The following DTX2 variants were observed in gnomAD, a reference collection of about 807,000 sequenced individuals.
The protein encoded by DTX2 is probable E3 ubiquitin-protein ligase DTX2.
In DTX2, 29 loss-of-function variants were observed where a neutral mutation model predicts 55.3. The ratio of observed to expected loss-of-function variants is 0.52; its 90% CI spans 0.39 to 0.71. DTX2 has a LOEUF of 0.71. Ranked by LOEUF, DTX2 falls within the 30% of genes least tolerant of loss-of-function variation. DTX2 has a pLI of 0.00. For synonymous variants in DTX2, 276 were observed against 340.4 expected (o/e 0.81, Z 2.08); for missense variants, 537 against 822.5 (o/e 0.65, Z 4.25).
At chr7:76,500,026 T>C (rs1011947064) in intron 6 of DTX2, 63 of 387,240 alleles carry the variant, frequency 1.6e-4, no homozygotes, top group African/African-American at 1.2e-3. Context: ...GCCAGGGTAA[T>C]GCAAGTTGAA....
At chr7:76,495,403 G>A (rs1189411714) in intron 5 of DTX2, among the ~76,000 whole-genome samples, 3 of 151,870 alleles carry the variant, frequency 2.0e-5, no homozygotes, top group Admixed American at 6.6e-5. Flanking sequence ...CCTCCCAGAT[G>A]GGTGGAGAAA....
intron 5 of DTX2, among the ~76,000 whole-genome samples, chr7:76,495,612 G>A (rs1315983135): frequency 6.8e-6 from 1 of 147,578 alleles, no homozygotes; most frequent in Non-Finnish European, 1.5e-5. Context: ...GTGGCCCAAG[G>A]ATGTCTTCAT....
At chr7:76,498,532 T>A (rs1164453931) in intron 6 of DTX2, among the ~76,000 whole-genome samples, 1 of 96,378 alleles carries the variant, frequency 1.0e-5, no homozygotes, top group African/African-American at 5.6e-5. Flanking sequence ...GAAAGCTCCC[T>A]TCTGCTCTGA....
chr7:76,502,796 T>A, intron 8 of DTX2: 1 of 379,764 alleles, frequency 2.6e-6, no homozygotes. Context: ...ACTGTCTCCC[T>A]TCTTCCTTAC....
At chr7:76,502,570 G>A in intron 8 of DTX2, 114 bp downstream of exon 8, 1 of 1,237,500 alleles carries the variant, frequency 8.1e-7, no homozygotes. Flanking sequence ...CTCTGCAAAA[G>A]ATGGTGCTGG....
rs1322813267 is a variant in DTX2 at position 76,496,148 on chromosome 7, C to A, written c.1010-1189C>A. ...TCCTGCTGAGGGCCACTGCAACTCA[C>A]CCTGCCCACCTCGGCTCTGCTGCCC... is the stretch of plus-strand genomic sequence containing the variant. On this transcript the variant is annotated intron_variant, in intron 5 of 10. Transcript: ENST00000430490. Among the ~76,000 whole-genome samples the A allele has an allele frequency of 2.4e-5, 2 of 84,610 alleles. 1 individual carries two copies. Among genetic ancestry groups the A allele is most frequent in the Non-Finnish European group, 4.7e-5 (2 of 42,198 alleles). The allele number at this position is 84,610 out of a possible 152,430, so 55.5% of individuals were successfully genotyped here. A position where few individuals can be genotyped will look rare whatever the true frequency, so the allele number is the denominator to read the frequency against.
chr7:76,482,471 G>A (rs763364309), intron 3 of DTX2, 37 bp from the exon 4 acceptor site: 1 of 1,537,462 alleles, frequency 6.5e-7, no homozygotes, highest in Admixed American at 2.1e-5. Flanking sequence ...TCTTGGGGAT[G>A]CTAGCAGACT....
intron 5 of DTX2, among the ~76,000 whole-genome samples, chr7:76,495,575 A>T (rs1810844265): frequency 6.7e-6 from 1 of 149,732 alleles, no homozygotes; most frequent in African/African-American, 2.5e-5. Flanking sequence ...CACGTGTGTC[A>T]CTCATGCGGC....
Position 76,502,476 on chromosome 7 carries a change from G to A in DTX2, c.1389+20G>A. The A allele has an allele frequency of 1.2e-6, 2 of 1,607,546 alleles. No homozygotes were observed. The highest frequency in any genetic ancestry group is 1.7e-6 in the Non-Finnish European group (2 of 1,177,676). On this transcript the variant is annotated intron_variant, in intron 8 of 10. Coordinates refer to ENST00000430490, the MANE Select transcript of DTX2 (RefSeq NM_001102594.3). Reference sequence around the variant, plus strand: ...AATAAGGTGCCCCCACTGGCCCAGGGCGGAGGCGGGTGGCCCGCCCCCACA... The same window carrying A: ...AATAAGGTGCCCCCACTGGCCCAGGACGGAGGCGGGTGGCCCGCCCCCACA...
intron 7 of DTX2, among the ~76,000 whole-genome samples, chr7:76,501,565 G>A (rs1490459572): frequency 6.6e-6 from 1 of 151,378 alleles, no homozygotes; most frequent in Non-Finnish European, 1.5e-5. Context: ...GAGTGTGGCA[G>A]CCAGACCCCC....
At chr7:76,488,195 G>A (rs1810089762) in intron 4 of DTX2, among the ~76,000 whole-genome samples, 1 of 85,212 alleles carries the variant, frequency 1.2e-5, no homozygotes, top group African/African-American at 5.7e-5. Context: ...GCGCCCACTG[G>A]AAGCCTCGCT....
chr7:76,504,113 G>GA (rs2116635789), intron 9 of DTX2, among the ~76,000 whole-genome samples: 1 of 138,314 alleles, frequency 7.2e-6, no homozygotes, highest in Non-Finnish European at 1.6e-5. Flanking sequence ...AAGATAACGG[G>GA]GCAGCAGGCA....
At chr7:76,497,849 G>GGCCCAGGTCTGCT (rs1368026383) in intron 6 of DTX2, among the ~76,000 whole-genome samples, 3 of 150,236 alleles carry the variant, frequency 2.0e-5, no homozygotes, top group Non-Finnish European at 4.4e-5. Flanking sequence ...CCCAGACAGC[G>GGCCCAGGTCTGCT]GCCCAGGTCT....
chr7:76,477,649 T>C (rs1808696227), intron 2 of DTX2, among the ~76,000 whole-genome samples: 1 of 137,642 alleles, frequency 7.3e-6, no homozygotes, highest in South Asian at 2.5e-4. Context: ...AATTAAGAGA[T>C]CAGTTGAGTA....
chr7:76,464,971 T>C (rs1799199), intron 2 of DTX2, among the ~76,000 whole-genome samples: 117,851 of 144,200 alleles, frequency 0.82, 48,167 homozygotes, highest in East Asian at 0.98. Flanking sequence ...AGGGTCTTAC[T>C]CTGTCACCCA....
chr7:76,500,202 A>G lies in DTX2; in HGVS notation c.1151-239A>G, dbSNP rs371801097. 7.2e-3 allele frequency: 2,679 copies of G among 371,730 alleles called. 42 individuals carry two copies. The highest frequency in any genetic ancestry group is 0.015 in the African/African-American group (549 of 36,550). 23.0% of individuals were successfully genotyped at this position (371,730 alleles called of 1,614,324 possible). On this transcript the variant is annotated intron_variant, in intron 6 of 10. Coordinates refer to ENST00000430490, the MANE Select transcript of DTX2 (RefSeq NM_001102594.3). ...CTGTTTCTGCTCTTCTGCATCCTCC[A>G]TGGCTCCTGGGGCTGAGCCGGGTCC...
chr7:76,474,180 T>TA (rs1808267807), intron 2 of DTX2, among the ~76,000 whole-genome samples: 1 of 132,856 alleles, frequency 7.5e-6, no homozygotes, highest in African/African-American at 3.0e-5. Flanking sequence ...GGCCTACTTT[T>TA]TTTTTTCTTT....
At position 76,505,910 on chromosome 7, in the gene DTX2, C is replaced by T. The variant is rs1812295543; in HGVS notation, c.*309C>T. 3.7e-6 allele frequency: 2 copies of T among 534,212 alleles called. No individual in the cohort carries two copies. Among genetic ancestry groups the T allele is most frequent in the Admixed American group, 6.7e-5 (2 of 29,796 alleles). The allele number at this position is 534,212 out of a possible 1,614,324, so 33.1% of individuals were successfully genotyped here. On this transcript the variant is annotated 3_prime_UTR_variant, in exon 11 of 11. Coordinates refer to ENST00000430490, the MANE Select transcript of DTX2 (RefSeq NM_001102594.3). The surrounding 1 kb of genome is among the most constrained non-coding windows in gnomAD (Gnocchi z 4.4). Reference sequence around the variant, plus strand: ...GGGCCTGGTGTGGGGCGAGTAGAGACTTCCCCAGCCTGGACGGGCGTGGGT... The same window carrying T: ...GGGCCTGGTGTGGGGCGAGTAGAGATTTCCCCAGCCTGGACGGGCGTGGGT...
At position 76,482,620 on chromosome 7, in the gene DTX2, C is replaced by T. The variant is rs532528346; in HGVS notation, c.381C>T (p.Ser127=). 2.7e-5 allele frequency: 44 copies of T among 1,613,834 alleles called. No individual in the cohort carries two copies. Among genetic ancestry groups the T allele is most frequent in the Non-Finnish European group, 3.2e-5 (38 of 1,179,824 alleles). The change falls in exon 4 of 11, where the codon AGC becomes AGT. Residue 127 remains serine, a synonymous_variant. Transcript: ENST00000430490. ...GCTCCTGGACTGCCTATGAAGCCAG[C>T]GTCTGTGACTATCTGGAGCAGCAGG... The part of the protein sequence containing the change: ...DDGSWTAYEA[S]VCDYLEQQVA...
Sources: gnomAD v4.1 joint callset for allele counts (sites outside exome capture counted in the v4.1 genomes callset) on GRCh38, gnomAD v4.1.1 for gene constraint, Gnocchi (gnomAD v3.1) non-coding constraint, MANE v1.5 for transcripts, NCBI Gene and HGNC (gene_info 2026-07-23, HGNC 2026-07-21) for gene names.